HSPA8: variants seen among roughly 807,000 people sequenced by gnomAD.
HSPA8 encodes the protein heat shock cognate 71 kDa protein.
In HSPA8, 2 loss-of-function variants were observed where a neutral mutation model predicts 52.8. The observed-to-expected ratio is 0.04, with a 90% confidence interval of 0.02 to 0.12. The LOEUF is 0.12. HSPA8 is among the 10% of genes least tolerant of loss of function. HSPA8 has a pLI of 1.00. For synonymous variants in HSPA8, 436 were observed against 274.0 expected (o/e 1.59, Z -5.84); for missense variants, 349 against 800.5 (o/e 0.44, Z 6.81).
At position 123,058,528 on chromosome 11, in the gene HSPA8, T is replaced by A. The variant is rs1206044213; in HGVS notation, c.1523-44A>T. ...CTAAGTAAAAGCCTTAAATTACCTGTGTATGTGTAACTCTAGTTTCTCTTA... is the reference window on the plus strand; with the variant it reads ...CTAAGTAAAAGCCTTAAATTACCTGAGTATGTGTAACTCTAGTTTCTCTTA... On this transcript the variant is annotated intron_variant, in intron 7 of 8. Coordinates refer to ENST00000534624, the MANE Select transcript of HSPA8 (RefSeq NM_006597.6). 3.1e-6 allele frequency: 5 copies of A among 1,590,296 alleles called. 1 individual carries two copies.
At chr11:123,060,989 A>AT in intron 2 of HSPA8, 131 bp downstream of exon 2, 2 of 933,120 alleles carry the variant, frequency 2.1e-6, no homozygotes, top group Non-Finnish European at 3.3e-6. Flanking sequence ...AACCTGTTTT[A>AT]TAACAGACTT....
intron 1 of HSPA8, 29 bp from the exon 2 acceptor site, chr11:123,061,358 A>G (rs1451115339): frequency 6.5e-7 from 1 of 1,526,748 alleles, no homozygotes; most frequent in African/African-American, 1.4e-5. Flanking sequence ...TGGTTTAAAA[A>G]TTCAATTAAT....
Position 123,060,010 on chromosome 11 carries a change from C to G in HSPA8, c.583G>C (p.Val195Leu). ...CCACCTCCCAGGTCAAAGATGAGCA[C>G]GTTTCTTTCTGCTCCAACCTGCCGT... The part of the protein sequence containing the change: ...LDKKVGAERN[V>L]LIFDLGGGTF... The change falls in exon 5 of 9, where the codon GTG becomes CTG. Residue 195 changes from valine (V) to leucine (L), a missense_variant. Transcript: ENST00000534624. 1 of 1,613,840 alleles carries G rather than the reference C, an allele frequency of 6.2e-7. No individual in the cohort carries two copies. Among genetic ancestry groups the G allele is most frequent in the Non-Finnish European group, 8.5e-7 (1 of 1,179,852 alleles).
In HSPA8 at chr11:123,058,849, A is replaced by C; in HGVS notation, c.1324-19T>G. On this transcript the variant is annotated intron_variant, in intron 6 of 8. Transcript: ENST00000534624. ...CATAAACCTTGGTAGGAAATAAAAC[A>C]AATTACTACAATGGACTCCAGGTCT... 1 of 1,606,426 alleles carries C rather than the reference A, an allele frequency of 6.2e-7. No individual in the cohort carries two copies. Among genetic ancestry groups the C allele is most frequent in the Non-Finnish European group, 8.5e-7 (1 of 1,173,138 alleles).
intron 1 of HSPA8, 47 bp downstream of exon 1, chr11:123,062,017 C>A (rs772253942): frequency 3.9e-5 from 6 of 153,494 alleles, no homozygotes; most frequent in African/African-American, 1.4e-4. Flanking sequence ...TGTGTGGAGG[C>A]TGCACGCTCC....
intron 1 of HSPA8, 101 bp from the exon 2 acceptor site, chr11:123,061,430 A>T (rs1364444017): frequency 4.6e-6 from 4 of 872,892 alleles, no homozygotes; most frequent in Non-Finnish European, 7.3e-6. Flanking sequence ...GGCCACTGCC[A>T]AGAGGTAATA....
intron 3 of HSPA8, 62 bp downstream of exon 3, chr11:123,060,531 C>G: frequency 7.8e-7 from 1 of 1,277,880 alleles, no homozygotes; most frequent in South Asian, 1.2e-5. Flanking sequence ...GCCAGTGCCC[C>G]CGGGAGTCAT....
At position 123,058,942 on chromosome 11, in the gene HSPA8, A is replaced by AT. The variant is rs1409008793; in HGVS notation, c.1324-113dup. The AT allele has an allele frequency of 4.3e-6, 6 of 1,396,862 alleles. No individual in the cohort carries two copies. The East Asian group carries it at 9.2e-5, about 21-fold the overall frequency. The allele number at this position is 1,396,862 out of a possible 1,614,324, so 86.5% of individuals were successfully genotyped here. On this transcript the variant is annotated intron_variant, in intron 6 of 8. Transcript: ENST00000534624. ...ACATCCAAGGAAGGAACTGGCCAAC[A>AT]TAAGACTTTCTGGTGGAAACTACGA...
At position 123,061,232 on chromosome 11, in the gene HSPA8, A is replaced by G. The variant is rs1865489404; in HGVS notation, c.93T>C (p.Asn31=). ...FQHGKVEIIA[N]DQGNRTTPSY... is the part of the protein sequence containing the mutation. The stretch of plus-strand genomic sequence containing the variant: ...TTGGAGTGGTTCGGTTTCCCTGATC[A>G]TTGGCAATTATCTCGACTTTTCCGT... The change falls in exon 2 of 9, where the codon AAT becomes AAC. Residue 31 remains asparagine (N), a synonymous_variant. Coordinates refer to ENST00000534624, the MANE Select transcript of HSPA8 (RefSeq NM_006597.6). The G allele has an allele frequency of 1.9e-6, 3 of 1,613,948 alleles. No homozygotes were observed. Among genetic ancestry groups the G allele is most frequent in the Non-Finnish European group, 2.5e-6 (3 of 1,179,842 alleles).
In HSPA8 at chr11:123,058,240, A is replaced by AAC. The variant is rs1555074099; in HGVS notation, c.1755+11_1755+12insGT. On this transcript the variant is annotated intron_variant, in intron 8 of 8. Coordinates refer to ENST00000534624, the MANE Select transcript of HSPA8 (RefSeq NM_006597.6). ...GAGTGGGGGAGGAAAAAAAAAAAAA[A>AAC]AAAACACAAACCTGATTCTTATCAA... 11 of 1,515,912 alleles carry AAC rather than the reference A, an allele frequency of 7.3e-6. No individual in the cohort carries two copies. The highest frequency in any genetic ancestry group is 9.9e-6 in the Non-Finnish European group (11 of 1,106,810). 93.9% of individuals were successfully genotyped at this position (1,515,912 alleles called of 1,614,324 possible). A position where few individuals can be genotyped will look rare whatever the true frequency, so the allele number is the denominator to read the frequency against.
chr11:123,059,432 G>GGCCT (rs749047481), intron 5 of HSPA8, 41 bp downstream of exon 5: 133 of 1,540,770 alleles, frequency 8.6e-5, no homozygotes, highest in Middle Eastern at 6.9e-4. Context: ...AGTCACCTTG[G>GGCCT]GCCTGCCTGC....
At position 123,059,886 on chromosome 11, in the gene HSPA8, C is replaced by A; in HGVS notation, c.707G>T (p.Arg236Leu). 1.2e-6 allele frequency: 2 copies of A among 1,613,430 alleles called. No homozygotes were observed. Among genetic ancestry groups the A allele is most frequent in the Non-Finnish European group, 1.7e-6 (2 of 1,179,930 alleles). The part of the protein sequence containing the change: ...THLGGEDFDN[R>L]MVNHFIAEFK... ...CTCAGCAATAAAATGGTTGACCATT[C>A]GGTTGTCAAAATCTTCTCCACCCAA... is the stretch of plus-strand genomic sequence containing the variant. Residue 236 changes from arginine (R) to leucine (L), a missense_variant, in exon 5 of 9, where the codon CGA (arginine) becomes CTA (leucine). Arg to Leu is a moderately radical substitution (Grantham distance 102). Coordinates refer to ENST00000534624, the MANE Select transcript of HSPA8 (RefSeq NM_006597.6).
intron 6 of HSPA8, 73 bp downstream of exon 6, chr11:123,058,986 A>G: frequency 6.8e-7 from 1 of 1,460,676 alleles, no homozygotes; most frequent in Non-Finnish European, 9.6e-7. Flanking sequence ...GGAATCCATC[A>G]TCATAGCGAG....
rs556837570 is a variant in HSPA8, at chr11:123,062,134, G to C, written c.-76C>G. ...CCCAAGAGCTGCAGGCGAGTTCAATGAGACCGGTTTCCGCCCGCCACCCTG... is the reference window on the plus strand; with the variant it reads ...CCCAAGAGCTGCAGGCGAGTTCAATCAGACCGGTTTCCGCCCGCCACCCTG... On this transcript the variant is annotated 5_prime_UTR_variant, in exon 1 of 9. Coordinates refer to ENST00000534624, the MANE Select transcript of HSPA8 (RefSeq NM_006597.6). 1.3e-5 allele frequency: 2 copies of C among 152,798 alleles called. No individual in the cohort carries two copies. Among genetic ancestry groups the C allele is most frequent in the East Asian group, 1.9e-4 (1 of 5,186 alleles). 9.5% of individuals were successfully genotyped at this position (152,798 alleles called of 1,614,324 possible). A position where few individuals can be genotyped will look rare whatever the true frequency, so the allele number is the denominator to read the frequency against.
intron 5 of HSPA8, 35 bp downstream of exon 5, chr11:123,059,438 C>T: frequency 6.4e-7 from 1 of 1,568,702 alleles, no homozygotes; most frequent in Non-Finnish European, 8.7e-7. Flanking sequence ...CTTGGGCCTG[C>T]CTGCCTTTAG....
At chr11:123,060,486 A>G in intron 3 of HSPA8, 107 bp downstream of exon 3, 1 of 982,148 alleles carries the variant, frequency 1.0e-6, no homozygotes, top group Non-Finnish European at 1.6e-6. Context: ...CTTAACCCTG[A>G]GCTGAGCCCC....
At chr11:123,060,392 CTG>C in intron 3 of HSPA8, 124 bp from the exon 4 acceptor site, 2 of 1,031,180 alleles carry the variant, frequency 1.9e-6, no homozygotes, top group Non-Finnish European at 2.9e-6. Flanking sequence ...ATGTAAATTA[CTG>C]TGTAATTGTC....
chr11:123,059,961 G>A lies in HSPA8; in HGVS notation c.632C>T (p.Thr211Ile). Reference sequence around the variant, plus strand: ...GACCTCAAAGATTCCATCCTCAATAGTGAGGATTGACACATCAAAAGTGCC... The same window carrying A: ...GACCTCAAAGATTCCATCCTCAATAATGAGGATTGACACATCAAAAGTGCC... ...GGGTFDVSILTIEDGIFEVKS... is the reference protein window; with the variant it reads ...GGGTFDVSILIIEDGIFEVKS... Residue 211 changes from threonine (T) to isoleucine (I), a missense_variant, in exon 5 of 9, where the codon ACT becomes ATT. Coordinates refer to ENST00000534624, the MANE Select transcript of HSPA8 (RefSeq NM_006597.6). 1.9e-6 allele frequency: 3 copies of A among 1,613,774 alleles called. No homozygotes were observed. The highest frequency in any genetic ancestry group is 2.5e-6 in the Non-Finnish European group (3 of 1,179,748).
rs1865433470 is a variant in HSPA8 at position 123,059,617 on chromosome 11, G to A, written c.976C>T (p.Leu326=). The A allele has an allele frequency of 1.2e-6, 2 of 1,614,184 alleles. No homozygotes were observed. The highest frequency in any genetic ancestry group is 1.1e-5 in the South Asian group (1 of 91,084). The part of the protein sequence containing the change: ...PVEKALRDAK[L]DKSQIHDIVL... ...ATATCATGAATCTGTGACTTGTCTA[G>A]TTTGGCATCTCGAAGGGCTTTCTCT... Residue 326 remains leucine (L), a synonymous_variant, in exon 5 of 9, where the codon CTA becomes TTA. Coordinates refer to ENST00000534624, the MANE Select transcript of HSPA8 (RefSeq NM_006597.6).
Sources: allele counts gnomAD v4.1 joint callset, GRCh38; gene constraint gnomAD v4.1.1; transcripts MANE v1.5; gene names NCBI Gene and HGNC (gene_info 2026-07-23, HGNC 2026-07-21).